Variants in TSPEAR observed in about 807,000 individuals in gnomAD.
The protein encoded by TSPEAR is thrombospondin type laminin G domain and EAR repeats, also known as thrombospondin-type laminin G domain and EAR repeat-containing protein.
Under a neutral mutation model 71.6 loss-of-function variants are expected in TSPEAR, and 69 were observed. That is an observed-to-expected ratio of 0.96 (90% CI 0.79 to 1.18). The LOEUF (loss-of-function observed/expected upper bound fraction) is 1.18, where lower values mean the gene tolerates loss of function less well. Ranked by LOEUF, TSPEAR falls within the 50% of genes most tolerant of loss-of-function variation. The pLI is 0.00. For missense variants in TSPEAR, 971 were observed against 894.9 expected, an observed-to-expected ratio of 1.09 and a Z score of -1.09; for synonymous variants, 402 against 387.2, an observed-to-expected ratio of 1.04 and a Z score of -0.45.
chr21:44,582,696 T>C (rs1175423953), intron 1 of TSPEAR, among the ~76,000 whole-genome samples: 3 of 152,192 alleles, frequency 2.0e-5, no homozygotes, highest in Non-Finnish European at 4.4e-5. Context: ...GTCCACGCCC[T>C]GCGCTCAGTG....
intron 4 of TSPEAR, 103 bp from the exon 5 acceptor site, chr21:44,530,057 G>T: frequency 8.1e-7 from 1 of 1,230,434 alleles, no homozygotes; most frequent in Non-Finnish European, 1.1e-6. Context: ...GAGGAGGCTC[G>T]GGTGGATGGA....
At chr21:44,698,131 C>A in intron 1 of TSPEAR, 2 of 684,228 alleles carry the variant, frequency 2.9e-6, no homozygotes, top group Non-Finnish European at 4.9e-6. Context: ...GATGACCCTG[C>A]CTCCACCCAC....
At chr21:44,691,896 A>G (rs1555949766) in intron 1 of TSPEAR, among the ~76,000 whole-genome samples, 1 of 152,226 alleles carries the variant, frequency 6.6e-6, no homozygotes, top group Non-Finnish European at 1.5e-5. Context: ...CCCACATAAG[A>G]CATCAAAAGA....
At chr21:44,617,613 T>C (rs1421797916) in intron 1 of TSPEAR, among the ~76,000 whole-genome samples, 1 of 152,260 alleles carries the variant, frequency 6.6e-6, no homozygotes, top group African/African-American at 2.4e-5. Context: ...CCAGGTTGCC[T>C]GCAAGAGGCC....
chr21:44,571,137 G>A (rs1309922505), intron 1 of TSPEAR, among the ~76,000 whole-genome samples: 1 of 152,218 alleles, frequency 6.6e-6, no homozygotes, highest in African/African-American at 2.4e-5. Context: ...ACCAGGCAAA[G>A]GCATTGCAAT....
Position 44,640,672 on chromosome 21 carries a change from C to T in TSPEAR, c.82+70761G>A, listed in dbSNP as rs185943140. On this transcript the variant is annotated intron_variant, in intron 1 of 11. Coordinates refer to ENST00000323084, the MANE Select transcript of TSPEAR (RefSeq NM_144991.3). Reference sequence around the variant, plus strand: ...CCAGAGCAGTGATAGAAAATGGAGGCATGCCATCCACAGACCAGGTCAGTA... The same window carrying T: ...CCAGAGCAGTGATAGAAAATGGAGGTATGCCATCCACAGACCAGGTCAGTA... Among the ~76,000 whole-genome samples, 35 of 152,304 alleles carry T rather than the reference C, an allele frequency of 2.3e-4. No homozygotes were observed. The East Asian group carries it at 6.6e-3, about 29-fold the overall frequency.
intron 1 of TSPEAR, among the ~76,000 whole-genome samples, chr21:44,688,002 G>A (rs2056307077): frequency 6.6e-6 from 1 of 152,146 alleles, no homozygotes; most frequent in South Asian, 2.1e-4. Flanking sequence ...GCAGATCCAG[G>A]GCCGGGCGCG....
Position 44,591,745 on chromosome 21 carries a change from G to A in TSPEAR, c.83-23740C>T, listed in dbSNP as rs782137584. On this transcript the variant is annotated intron_variant, in intron 1 of 11. Coordinates refer to ENST00000323084, the MANE Select transcript of TSPEAR (RefSeq NM_144991.3). Reference sequence around the variant, plus strand: ...GCTAGACTGCTGGCAGCATGAAGAGGAATCCTCAGAGCAGGTGGGCACACA... The same window carrying A: ...GCTAGACTGCTGGCAGCATGAAGAGAAATCCTCAGAGCAGGTGGGCACACA... The A allele has an allele frequency of 1.9e-5, 31 of 1,602,494 alleles. No individual in the cohort carries two copies. The African/African-American group carries it at 3.9e-4, about 20-fold the overall frequency.
intron 1 of TSPEAR, among the ~76,000 whole-genome samples, chr21:44,706,258 G>T (rs1555952310): frequency 6.6e-6 from 1 of 152,196 alleles, no homozygotes; most frequent in African/African-American, 2.4e-5. Context: ...AACCAAGGAA[G>T]GGTGGCTGCG....
intron 1 of TSPEAR, among the ~76,000 whole-genome samples, chr21:44,700,764 T>G (rs1256752900): frequency 1.3e-5 from 2 of 152,188 alleles, no homozygotes; most frequent in Non-Finnish European, 2.9e-5. Context: ...GTGTCACTGT[T>G]AAGCCTGATA....
intron 1 of TSPEAR, among the ~76,000 whole-genome samples, chr21:44,572,496 C>T (rs1446851950): frequency 6.6e-6 from 1 of 152,120 alleles, no homozygotes; most frequent in Non-Finnish European, 1.5e-5. Context: ...CTGCTGAGTG[C>T]CCAGTGCTGG....
intron 1 of TSPEAR, among the ~76,000 whole-genome samples, chr21:44,618,606 G>T (rs996004737): frequency 6.6e-6 from 1 of 152,316 alleles, no homozygotes; most frequent in East Asian, 1.9e-4. Context: ...CCCCAGCTGG[G>T]TGACAGTCAG....
rs1988193744 is a variant in TSPEAR at position 44,711,054 on chromosome 21, G to A, written c.82+379C>T. Reference sequence around the variant, plus strand: ...CCTCCACCAGCTAAGGAAATGGCTCGTGCACAGTAGCCTCCCGGGCTGCTG... The same window carrying A: ...CCTCCACCAGCTAAGGAAATGGCTCATGCACAGTAGCCTCCCGGGCTGCTG... On this transcript the variant is annotated intron_variant, in intron 1 of 11. Coordinates refer to ENST00000323084, the MANE Select transcript of TSPEAR (RefSeq NM_144991.3). This position sits in a 1 kb window ranked among gnomAD's most constrained non-coding sequence, Gnocchi z 4.5. 6.6e-6 allele frequency among the ~76,000 whole-genome samples: 1 copy of A among 152,186 alleles called. No homozygotes were observed. Among genetic ancestry groups the A allele is most frequent in the Non-Finnish European group, 1.5e-5 (1 of 68,034 alleles).
At chr21:44,517,580 G>A (rs1320401176) in intron 9 of TSPEAR, 2 of 356,952 alleles carry the variant, frequency 5.6e-6, no homozygotes, top group Non-Finnish European at 1.1e-5. Flanking sequence ...CATGGGCTGT[G>A]AGCACAGGTC....
intron 1 of TSPEAR, among the ~76,000 whole-genome samples, chr21:44,569,945 C>T (rs782450858): frequency 2.0e-5 from 3 of 152,108 alleles, no homozygotes; most frequent in Non-Finnish European, 4.4e-5. Context: ...CATACTGTGG[C>T]GTTGCGTCCT....
rs137919838 is a variant in TSPEAR, at chr21:44,512,160, G to A, written c.1567-2774C>T. On this transcript the variant is annotated intron_variant, in intron 9 of 11. Coordinates refer to ENST00000323084, the MANE Select transcript of TSPEAR (RefSeq NM_144991.3). ...GGGCGCACACAGAGTGCGGAGCAGG[G>A]GCTGGGGCGGGCCTACAGGGCCTGG... 7.3e-3 allele frequency among the ~76,000 whole-genome samples: 1,108 copies of A among 152,326 alleles called. 4 individuals are homozygous for A. The highest frequency in any genetic ancestry group is 0.013 in the Admixed American group (202 of 15,312).
At chr21:44,599,700 A>G (rs1263776626) in intron 1 of TSPEAR, among the ~76,000 whole-genome samples, 2 of 152,254 alleles carry the variant, frequency 1.3e-5, no homozygotes, top group East Asian at 3.8e-4. Flanking sequence ...AGAAACAACC[A>G]AAAAGATGTG....
At chr21:44,674,776 G>A (rs1261945074) in intron 1 of TSPEAR, among the ~76,000 whole-genome samples, 1 of 135,068 alleles carries the variant, frequency 7.4e-6, no homozygotes, top group East Asian at 2.0e-4. Flanking sequence ...GTGTGTGTGT[G>A]TGTGTGTGTA....
intron 1 of TSPEAR, chr21:44,579,807 C>G: frequency 6.2e-7 from 1 of 1,609,640 alleles, no homozygotes; most frequent in Non-Finnish European, 8.5e-7. Flanking sequence ...AGGAGGGACA[C>G]GCAGGAGGCC....
Sources: allele counts gnomAD v4.1 joint callset (sites outside exome capture counted in the v4.1 genomes callset), GRCh38; gene constraint gnomAD v4.1.1; non-coding constraint Gnocchi (gnomAD v3.1); transcripts MANE v1.5; gene names NCBI Gene and HGNC (gene_info 2026-07-23, HGNC 2026-07-21).